Variants in PDGFC observed in about 807,000 individuals in gnomAD.
PDGFC encodes platelet derived growth factor C, also known as platelet-derived growth factor C.
PDGFC carries 12 observed loss-of-function variants against 35.5 expected under a neutral mutation model. The observed-to-expected ratio is 0.34, with a 90% CI of 0.22 to 0.55. The LOEUF (loss-of-function observed/expected upper bound fraction) is 0.55, where lower values mean the gene tolerates loss of function less well. PDGFC is among the 20% of genes least tolerant of loss of function. The pLI is 0.91. For synonymous variants in PDGFC, 159 were observed against 148.8 expected (o/e 1.07, Z -0.50); for missense variants, 322 against 412.4 (o/e 0.78, Z 1.90).
Position 156,762,455 on chromosome 4 carries a change from C to T in PDGFC, c.*635G>A, listed in dbSNP as rs1394417391. On this transcript the variant is annotated 3_prime_UTR_variant, in exon 6 of 6. Coordinates refer to ENST00000502773, the MANE Select transcript of PDGFC (RefSeq NM_016205.3). ...TCTTTTCAGGTTTATCTCTTCCAAA[C>T]CATGAATGTAGTTCTCTTCTTCTAA... 3 of 152,410 alleles carry T rather than the reference C, an allele frequency of 2.0e-5. No individual in the cohort carries two copies. The highest frequency in any genetic ancestry group is 7.2e-5 in the African/African-American group (3 of 41,422). 9.4% of individuals were successfully genotyped at this position (152,410 alleles called of 1,614,324 possible).
intron 3 of PDGFC, among the ~76,000 whole-genome samples, chr4:156,801,980 G>A (rs145711758): frequency 6.6e-6 from 1 of 152,266 alleles, no homozygotes; most frequent in East Asian, 1.9e-4. Context: ...TACACAAAAA[G>A]CCAAATTAGT....
chr4:156,772,861 T>C lies in PDGFC; in HGVS notation c.528A>G (p.Leu176=). The change falls in exon 4 of 6, where the codon CTA becomes CTG. Residue 176 remains leucine, a synonymous_variant. Transcript: ENST00000502773. The part of the protein sequence containing the change: ...QFTEAVSPSV[L]PPSALPLDLL... ...GGTCCAGTGGCAAAGCTGAAGGGGG[T>C]AGCACTGAAGGACTCACAGCTTCTG... is the stretch of plus-strand genomic sequence containing the variant. 1 of 1,613,198 alleles carries C rather than the reference T, an allele frequency of 6.2e-7. No individual in the cohort carries two copies. The highest frequency in any genetic ancestry group is 1.1e-5 in the South Asian group (1 of 91,072).
intron 1 of PDGFC, among the ~76,000 whole-genome samples, chr4:156,964,840 A>G (rs1422586355): frequency 2.6e-5 from 4 of 152,122 alleles, no homozygotes; most frequent in African/African-American, 9.7e-5. Flanking sequence ...CATTCCTCAT[A>G]CCACACATGT....
chr4:156,940,519 A>G (rs933156200), intron 1 of PDGFC, among the ~76,000 whole-genome samples: 4 of 152,084 alleles, frequency 2.6e-5, no homozygotes, highest in African/African-American at 7.2e-5. Flanking sequence ...AACTATTAAA[A>G]AGGGAAATTG....
chr4:156,802,699 AG>A (rs1731647766), intron 3 of PDGFC, among the ~76,000 whole-genome samples: 1 of 152,174 alleles, frequency 6.6e-6, no homozygotes, highest in South Asian at 2.1e-4. Flanking sequence ...TTATACTCTT[AG>A]AAAAGAGATG....
rs550045928 is a variant in PDGFC, at chr4:156,788,246, G to C, written c.496-15353C>G. On this transcript the variant is annotated intron_variant, in intron 3 of 5. Coordinates refer to ENST00000502773, the MANE Select transcript of PDGFC (RefSeq NM_016205.3). Reference sequence around the variant, plus strand: ...ACAGAACACATTGAGAGCAAAGAAAGACAAATACACAGGAAAGCTGAAGGA... The same window carrying C: ...ACAGAACACATTGAGAGCAAAGAAACACAAATACACAGGAAAGCTGAAGGA... Among the ~76,000 whole-genome samples, 23 of 152,104 alleles carry C rather than the reference G, an allele frequency of 1.5e-4. 1 individual carries two copies. In the South Asian group the frequency reaches 4.6e-3, roughly 30 times the overall value.
intron 1 of PDGFC, among the ~76,000 whole-genome samples, chr4:156,915,943 G>C (rs1299374579): frequency 6.6e-6 from 1 of 152,020 alleles, no homozygotes; most frequent in Non-Finnish European, 1.5e-5. Context: ...GGGATTAGCA[G>C]GATATGTAGA....
intron 2 of PDGFC, among the ~76,000 whole-genome samples, chr4:156,831,439 CTTTT>C (rs34254264): frequency 1.0e-5 from 1 of 99,316 alleles, no homozygotes. Context: ...GAGACCCTGT[CTTTT>C]TTTTTTTTTT....
chr4:156,964,790 C>A (rs867291179), intron 1 of PDGFC, among the ~76,000 whole-genome samples: 4 of 152,154 alleles, frequency 2.6e-5, no homozygotes, highest in Non-Finnish European at 5.9e-5. Context: ...TCAATCTGCA[C>A]ATCAGTGAGG....
intron 1 of PDGFC, among the ~76,000 whole-genome samples, chr4:156,914,367 T>TAA (rs1314403134): frequency 2.0e-5 from 3 of 152,138 alleles, no homozygotes; most frequent in Non-Finnish European, 4.4e-5. Flanking sequence ...TCTTGCTTAC[T>TAA]GCCTATATAG....
intron 1 of PDGFC, among the ~76,000 whole-genome samples, chr4:156,913,648 T>A (rs1223842530): frequency 6.6e-6 from 1 of 150,754 alleles, no homozygotes; most frequent in Non-Finnish European, 1.5e-5. Context: ...ATAAACACCT[T>A]ATCTTACTAC....
intron 1 of PDGFC, among the ~76,000 whole-genome samples, chr4:156,938,298 T>TA (rs1201795818): frequency 6.6e-6 from 1 of 152,032 alleles, no homozygotes; most frequent in Non-Finnish European, 1.5e-5. Context: ...AAGCGCTAAA[T>TA]AAAAAAATCC....
At chr4:156,792,666 G>C (rs114612388) in intron 3 of PDGFC, among the ~76,000 whole-genome samples, 2 of 152,248 alleles carry the variant, frequency 1.3e-5, no homozygotes, top group African/African-American at 4.8e-5. Context: ...CCAATTCCAC[G>C]TAGTGTGCAT....
chr4:156,826,174 ATTTTTTTTTTTTTTTTTTTT>A (rs59421806), intron 2 of PDGFC, among the ~76,000 whole-genome samples: 2 of 43,768 alleles, frequency 4.6e-5, no homozygotes, highest in Non-Finnish European at 8.2e-5. Flanking sequence ...TTTGAGTTGG[ATTTTTTTTTTTTTTTTTTTT>A]TTTTTTTTTT....
chr4:156,774,977 C>A (rs1730790474), intron 3 of PDGFC, among the ~76,000 whole-genome samples: 1 of 151,998 alleles, frequency 6.6e-6, no homozygotes. Flanking sequence ...TCAATAATGT[C>A]AAGGATCTGG....
At chr4:156,858,793 C>T (rs1420622430) in intron 1 of PDGFC, among the ~76,000 whole-genome samples, 1 of 151,258 alleles carries the variant, frequency 6.6e-6, no homozygotes, top group Admixed American at 6.6e-5. Context: ...ATTATATATC[C>T]TTTAAACAAA....
At chr4:156,870,966 G>A (rs966692470) in intron 1 of PDGFC, among the ~76,000 whole-genome samples, 7 of 152,118 alleles carry the variant, frequency 4.6e-5, no homozygotes, top group Admixed American at 1.3e-4. Flanking sequence ...ATTGAATGCT[G>A]AGTGGTTCAA....
chr4:156,847,218 T>C (rs1729347721), intron 2 of PDGFC, among the ~76,000 whole-genome samples: 1 of 151,330 alleles, frequency 6.6e-6, no homozygotes, highest in Admixed American at 6.6e-5. Flanking sequence ...AAAAATATAT[T>C]ACCGTAGCAG....
At chr4:156,910,860 C>T (rs1731022003) in intron 1 of PDGFC, among the ~76,000 whole-genome samples, 1 of 152,056 alleles carries the variant, frequency 6.6e-6, no homozygotes, top group Non-Finnish European at 1.5e-5. Flanking sequence ...AATGTCTGTT[C>T]ATGTCTTTTA....
Sources: gnomAD v4.1 joint callset for allele counts (sites outside exome capture counted in the v4.1 genomes callset) on GRCh38, gnomAD v4.1.1 for gene constraint, MANE v1.5 for transcripts, NCBI Gene and HGNC (gene_info 2026-07-23, HGNC 2026-07-21) for gene names.